CACNA2D1: variants seen among roughly 807,000 people sequenced by gnomAD.
CACNA2D1 encodes the protein calcium voltage-gated channel auxiliary subunit alpha2delta 1.
Under a neutral mutation model 171.5 loss-of-function variants are expected in CACNA2D1, and 53 were observed. The ratio of observed to expected loss-of-function variants is 0.31; its 90% CI spans 0.25 to 0.39. The LOEUF (loss-of-function observed/expected upper bound fraction) is 0.39. Among genes scored for constraint, CACNA2D1 ranks in the 10% least tolerant of loss-of-function variants. CACNA2D1 has a pLI of 1.00. For missense variants in CACNA2D1, 903 were observed against 1,299.8 expected (o/e 0.69, Z 4.69); for synonymous variants, 442 against 443.1 (o/e 1.00, Z 0.03).
chr7:82,069,751 AAAT>A (rs1808100060), intron 7 of CACNA2D1, among the ~76,000 whole-genome samples: 1 of 152,124 alleles, frequency 6.6e-6, no homozygotes, highest in Non-Finnish European at 1.5e-5. Context: ...AGAATAAAGC[AAAT>A]AATGATGCAT....
intron 13 of CACNA2D1, among the ~76,000 whole-genome samples, 149 bp downstream of exon 13, chr7:82,014,233 GTCAAAATTGGTATGTGTTT>G (rs1335727427): frequency 6.6e-6 from 1 of 152,086 alleles, no homozygotes; most frequent in African/African-American, 2.4e-5. Flanking sequence ...TAATGCCAGT[GTCAAAATTGGTATGTGTTT>G]TCTCTATAAA....
At chr7:82,435,201 A>C (rs1030479699) in intron 1 of CACNA2D1, among the ~76,000 whole-genome samples, 3 of 151,606 alleles carry the variant, frequency 2.0e-5, no homozygotes, top group Non-Finnish European at 4.4e-5. Context: ...ACACCCGGCT[A>C]ATTTTTTGTA....
intron 21 of CACNA2D1, among the ~76,000 whole-genome samples, chr7:81,986,543 A>G (rs1267865453): frequency 5.3e-5 from 8 of 152,082 alleles, no homozygotes; most frequent in Non-Finnish European, 1.2e-4. Context: ...GACTATAAAT[A>G]TTAAAATTTC....
In CACNA2D1 at chr7:82,382,351, T is replaced by G. The variant is rs190932650; in HGVS notation, c.96-32702A>C. On this transcript the variant is annotated intron_variant, in intron 1 of 38. Coordinates refer to ENST00000356860, the MANE Select transcript of CACNA2D1 (RefSeq NM_000722.4). The stretch of plus-strand genomic sequence containing the variant: ...TGGAGTTCTCTGTCAAGTGGGTTAT[T>G]TTGACTGTAAAGCATTCTTTTGTTT... 3.0e-3 allele frequency among the ~76,000 whole-genome samples: 456 copies of G among 152,344 alleles called. 1 individual carries two copies. The highest frequency in any genetic ancestry group is 4.3e-3 in the Non-Finnish European group (293 of 68,036).
chr7:82,052,078 A>G (rs1284943080), intron 10 of CACNA2D1, among the ~76,000 whole-genome samples: 1 of 152,202 alleles, frequency 6.6e-6, no homozygotes, highest in Non-Finnish European at 1.5e-5. Context: ...ATGAGAGGCT[A>G]CTTGATTTTT....
intron 21 of CACNA2D1, among the ~76,000 whole-genome samples, chr7:81,985,062 G>C (rs1796811153): frequency 6.6e-6 from 1 of 151,964 alleles, no homozygotes; most frequent in Non-Finnish European, 1.5e-5. Context: ...AAGAACATTA[G>C]GGGTATGTTT....
chr7:82,332,510 T>TAAAAGAAAGAAAGAAAGAAAG (rs1323648237), intron 3 of CACNA2D1, among the ~76,000 whole-genome samples: 16 of 92,556 alleles, frequency 1.7e-4, no homozygotes, highest in African/African-American at 5.4e-4. Context: ...AAAAGAAATA[T>TAAAAGAAAGAAAGAAAGAAAG]AAAGAAAGAA....
intron 24 of CACNA2D1, among the ~76,000 whole-genome samples, chr7:81,979,105 G>A (rs113691652): frequency 4.6e-5 from 7 of 151,990 alleles, no homozygotes; most frequent in South Asian, 4.1e-4. Context: ...CCATTTATAC[G>A]ACGTGTCTAG....
chr7:82,360,491 A>C (rs1820972199), intron 1 of CACNA2D1, among the ~76,000 whole-genome samples: 1 of 152,164 alleles, frequency 6.6e-6, no homozygotes, highest in African/African-American at 2.4e-5. Flanking sequence ...TACAACCAGA[A>C]GTTGTACTAC....
At chr7:82,354,632 G>C (rs1300838043) in intron 1 of CACNA2D1, among the ~76,000 whole-genome samples, 1 of 152,150 alleles carries the variant, frequency 6.6e-6, no homozygotes, top group Non-Finnish European at 1.5e-5. Flanking sequence ...TATTAAGGCA[G>C]ACAGTTGAAA....
intron 23 of CACNA2D1, among the ~76,000 whole-genome samples, 197 bp downstream of exon 23, chr7:81,983,117 T>C (rs1418718960): frequency 1.3e-5 from 2 of 152,170 alleles, no homozygotes; most frequent in African/African-American, 2.4e-5. Context: ...AGAAAAAAAC[T>C]TGAATGTGAA....
intron 3 of CACNA2D1, among the ~76,000 whole-genome samples, chr7:82,314,630 A>G (rs1367196966): frequency 6.6e-6 from 1 of 152,188 alleles, no homozygotes; most frequent in Non-Finnish European, 1.5e-5. Context: ...TTTAAAAAAT[A>G]ATAAAATAAA....
chr7:81,986,744 C>T (rs1362888668), intron 21 of CACNA2D1, among the ~76,000 whole-genome samples: 3 of 152,070 alleles, frequency 2.0e-5, no homozygotes, highest in Non-Finnish European at 4.4e-5. Flanking sequence ...ATGAAAATTT[C>T]TATATTCATT....
chr7:81,965,797 T>C (rs1445672039), intron 31 of CACNA2D1, 132 bp from the exon 32 acceptor site: 2 of 671,202 alleles, frequency 3.0e-6, no homozygotes, highest in East Asian at 2.7e-5. Context: ...CTTGAACATA[T>C]ATGTTCATTA....
chr7:82,044,733 C>A (rs570382448), intron 10 of CACNA2D1, among the ~76,000 whole-genome samples: 2 of 152,206 alleles, frequency 1.3e-5, no homozygotes, highest in Admixed American at 1.3e-4. Flanking sequence ...AGAGGCTGTG[C>A]GCTCCAAAAT....
intron 1 of CACNA2D1, among the ~76,000 whole-genome samples, chr7:82,371,587 A>T (rs532175324): frequency 1.0e-3 from 158 of 150,932 alleles, no homozygotes; most frequent in Middle Eastern, 3.4e-3. Context: ...TTTTATTATT[A>T]TTATTATTTT....
chr7:82,170,807 T>C (rs1025331386), intron 3 of CACNA2D1, among the ~76,000 whole-genome samples, 198 bp from the exon 4 acceptor site: 4 of 152,034 alleles, frequency 2.6e-5, no homozygotes, highest in Non-Finnish European at 4.4e-5. Context: ...TTCAGCAATA[T>C]AAATAATATA....
chr7:82,114,238 C>A (rs1017909448), intron 6 of CACNA2D1, among the ~76,000 whole-genome samples: 1 of 152,066 alleles, frequency 6.6e-6, no homozygotes, highest in Non-Finnish European at 1.5e-5. Flanking sequence ...AGTCAGATTT[C>A]ATATTTGTTC....
In CACNA2D1 at chr7:82,351,341, G is replaced by A. The variant is rs148161685; in HGVS notation, c.96-1692C>T. On this transcript the variant is annotated intron_variant, in intron 1 of 38. Transcript: ENST00000356860. ...AAAATATGGAATAAAAATATAACATGGAAGAGATTTAAATGACATGTAAGA... is the reference window on the plus strand; with the variant it reads ...AAAATATGGAATAAAAATATAACATAGAAGAGATTTAAATGACATGTAAGA... 4.2e-3 allele frequency among the ~76,000 whole-genome samples: 630 copies of A among 151,580 alleles called. 2 individuals carry two copies. The highest frequency in any genetic ancestry group is 0.015 in the African/African-American group (612 of 41,466).
Sources: allele counts gnomAD v4.1 joint callset (sites outside exome capture counted in the v4.1 genomes callset), GRCh38; gene constraint gnomAD v4.1.1; transcripts MANE v1.5; gene names NCBI Gene and HGNC (gene_info 2026-07-23, HGNC 2026-07-21).